Variants in PHF12 observed in about 807,000 individuals in gnomAD.
PHF12 encodes PHD finger protein 12.
A neutral mutation model predicts 99.8 loss-of-function variants in PHF12; 6 were observed. The ratio of observed to expected loss-of-function variants is 0.06; its 90% CI spans 0.03 to 0.12. PHF12 has a LOEUF of 0.12. PHF12 is among the 10% of genes least tolerant of loss of function. The probability of loss-of-function intolerance (pLI) is 1.00; values close to 1 mark genes in which losing one functional copy is unlikely to be tolerated. For synonymous variants in PHF12, 480 were observed against 514.9 expected (o/e 0.93, Z 0.92); for missense variants, 954 against 1,300.1 (o/e 0.73, Z 4.09).
chr17:28,944,521 G>T, intron 2 of PHF12: 1 of 984,034 alleles, frequency 1.0e-6, no homozygotes, highest in Non-Finnish European at 1.2e-6. Flanking sequence ...CCATATTTAG[G>T]TGGACCAGTA....
intron 5 of PHF12, among the ~76,000 whole-genome samples, chr17:28,919,584 C>T (rs573894491): frequency 6.6e-6 from 1 of 152,000 alleles, no homozygotes; most frequent in African/African-American, 2.4e-5. Context: ...ACTAAAAATA[C>T]AAAAAATTAG....
intron 2 of PHF12, among the ~76,000 whole-genome samples, chr17:28,928,885 C>T (rs2040335715): frequency 6.6e-6 from 1 of 152,004 alleles, no homozygotes; most frequent in African/African-American, 2.4e-5. Context: ...AACACGACGT[C>T]AGGAGTTTGA....
At chr17:28,923,450 G>A (rs2152666237) in intron 4 of PHF12, among the ~76,000 whole-genome samples, 2 of 151,562 alleles carry the variant, frequency 1.3e-5, no homozygotes, top group South Asian at 4.2e-4. Context: ...CTGAGGTCAG[G>A]AGTTCAAGAC....
intron 2 of PHF12, among the ~76,000 whole-genome samples, chr17:28,942,826 T>A (rs989145550): frequency 6.6e-6 from 1 of 150,814 alleles, no homozygotes; most frequent in East Asian, 1.9e-4. Context: ...AAAAAAATAA[T>A]AAGTAAAATA....
chr17:28,910,107 A>G, intron 11 of PHF12, 119 bp downstream of exon 11: 1 of 1,442,126 alleles, frequency 6.9e-7, no homozygotes, highest in African/African-American at 1.4e-5. Flanking sequence ...TAAGCCCATG[A>G]AAAGCACACA....
intron 6 of PHF12, 33 bp from the exon 7 acceptor site, chr17:28,917,482 G>A: frequency 6.4e-7 from 1 of 1,561,960 alleles, no homozygotes; most frequent in Non-Finnish European, 8.7e-7. Context: ...CTTGTGGTGA[G>A]CCTCAAAAGG....
chr17:28,950,826 C>T lies in PHF12; in HGVS notation c.66+69G>A. ...CTAGGCGCTTCGAGTTTAGGACTGG[C>T]TTTGTGGGGCGGAGGGCGGAGGTTC... On this transcript the variant is annotated intron_variant, in intron 1 of 14. Transcript: ENST00000332830. The surrounding 1 kb of genome is among the most constrained non-coding windows in gnomAD (Gnocchi z 5.7). 1 of 1,597,690 alleles carries T rather than the reference C, an allele frequency of 6.3e-7. No homozygotes were observed. Among genetic ancestry groups the T allele is most frequent in the South Asian group, 1.1e-5 (1 of 89,518 alleles).
At position 28,950,495 on chromosome 17, in the gene PHF12, G is replaced by A. The variant is rs529637996; in HGVS notation, c.67-249C>T. ...GATCAAGGGTAGGGGGATGGGAAGAGGGTGCGCGGTTCCCTTCTTGCCACT... is the reference window on the plus strand; with the variant it reads ...GATCAAGGGTAGGGGGATGGGAAGAAGGTGCGCGGTTCCCTTCTTGCCACT... On this transcript the variant is annotated intron_variant, in intron 1 of 14. Transcript: ENST00000332830. This position sits in a 1 kb window ranked among gnomAD's most constrained non-coding sequence, Gnocchi z 5.7. The A allele has an allele frequency of 8.8e-6, 5 of 568,852 alleles. No individual in the cohort carries two copies. The highest frequency in any genetic ancestry group is 9.4e-4 in the Middle Eastern group (2 of 2,136). The allele number at this position is 568,852 out of a possible 1,614,324, so 35.2% of individuals were successfully genotyped here. A position where few individuals can be genotyped will look rare whatever the true frequency, so the allele number is the denominator to read the frequency against.
intron 2 of PHF12, among the ~76,000 whole-genome samples, chr17:28,943,922 C>G (rs2040671036): frequency 6.6e-6 from 1 of 152,178 alleles, no homozygotes; most frequent in Non-Finnish European, 1.5e-5. Flanking sequence ...TTAGCAAAAA[C>G]CAGTGTTTTA....
chr17:28,948,823 C>T (rs559803616), intron 2 of PHF12, among the ~76,000 whole-genome samples: 1 of 151,394 alleles, frequency 6.6e-6, no homozygotes, highest in African/African-American at 2.4e-5. Flanking sequence ...CCCCCTTTTC[C>T]TCTCTCCAGT....
At chr17:28,942,644 C>T (rs1567971297) in intron 2 of PHF12, among the ~76,000 whole-genome samples, 2 of 151,624 alleles carry the variant, frequency 1.3e-5, no homozygotes, top group African/African-American at 2.4e-5. Flanking sequence ...GGTGAAACCC[C>T]GTCTCAACAA....
At chr17:28,934,700 T>G (rs945617625) in intron 2 of PHF12, among the ~76,000 whole-genome samples, 7 of 149,442 alleles carry the variant, frequency 4.7e-5, no homozygotes, top group Non-Finnish European at 8.9e-5. Flanking sequence ...AACCTCTGCC[T>G]CCCGAGTTCA....
chr17:28,949,925 G>A lies in PHF12; in HGVS notation c.248+140C>T. ...AACCCGGCGGACACCTGGGGGCGGGGAGGTGCTCGCCCCGGCAGCTGCAGA... is the reference window on the plus strand; with the variant it reads ...AACCCGGCGGACACCTGGGGGCGGGAAGGTGCTCGCCCCGGCAGCTGCAGA... On this transcript the variant is annotated intron_variant, in intron 2 of 14. Coordinates refer to ENST00000332830, the MANE Select transcript of PHF12 (RefSeq NM_001033561.2). The surrounding 1 kb of genome is among the most constrained non-coding windows in gnomAD (Gnocchi z 4.6). 1 of 966,128 alleles carries A rather than the reference G, an allele frequency of 1.0e-6. No individual in the cohort carries two copies. Among genetic ancestry groups the A allele is most frequent in the Admixed American group, 2.7e-5 (1 of 36,388 alleles). 59.8% of individuals were successfully genotyped at this position (966,128 alleles called of 1,614,324 possible).
Position 28,949,008 on chromosome 17 carries a change from C to T in PHF12, c.248+1057G>A, listed in dbSNP as rs1447533453. 2.0e-5 allele frequency among the ~76,000 whole-genome samples: 3 copies of T among 152,138 alleles called. No homozygotes were observed. The highest frequency in any genetic ancestry group is 2.9e-5 in the Non-Finnish European group (2 of 68,024). ...TTAAACTCTTCTTTGCCGGATTGTC[C>T]TGGGCTGAGCCGCTGAGGAGGATCA... On this transcript the variant is annotated intron_variant, in intron 2 of 14. Transcript: ENST00000332830. This position sits in a 1 kb window ranked among gnomAD's most constrained non-coding sequence, Gnocchi z 4.6.
In PHF12 at chr17:28,951,455, G is replaced by A; in HGVS notation, c.-495C>T. On this transcript the variant is annotated 5_prime_UTR_variant, in exon 1 of 15. Coordinates refer to ENST00000332830, the MANE Select transcript of PHF12 (RefSeq NM_001033561.2). ...CTGCGTCCCGGCTGCCGCGCACTTGGCGCAAACTTACCGCGAGCGCCCGCA... is the reference window on the plus strand; with the variant it reads ...CTGCGTCCCGGCTGCCGCGCACTTGACGCAAACTTACCGCGAGCGCCCGCA... The A allele has an allele frequency of 1.0e-6, 1 of 985,978 alleles. No individual in the cohort carries two copies. Among genetic ancestry groups the A allele is most frequent in the Non-Finnish European group, 1.2e-6 (1 of 830,262 alleles). The allele number at this position is 985,978 out of a possible 1,614,324, so 61.1% of individuals were successfully genotyped here. A position where few individuals can be genotyped will look rare whatever the true frequency, so the allele number is the denominator to read the frequency against.
At chr17:28,908,954 C>T in intron 11 of PHF12, 73 bp from the exon 12 acceptor site, 1 of 1,405,234 alleles carries the variant, frequency 7.1e-7, no homozygotes, top group East Asian at 2.4e-5. Context: ...CCAACAAAAT[C>T]TGGACCTTTG....
chr17:28,907,537 G>C (rs1486410325), intron 13 of PHF12, 53 bp downstream of exon 13: 5 of 1,569,240 alleles, frequency 3.2e-6, no homozygotes, highest in Non-Finnish European at 4.4e-6. Context: ...CCTACTGCCT[G>C]GGAGAGGCCT....
intron 3 of PHF12, 116 bp from the exon 4 acceptor site, chr17:28,924,418 G>T: frequency 7.2e-7 from 1 of 1,386,296 alleles, no homozygotes; most frequent in Non-Finnish European, 1.0e-6. Flanking sequence ...ACATATCACA[G>T]ACTCATCTAC....
intron 2 of PHF12, among the ~76,000 whole-genome samples, chr17:28,935,152 C>T (rs895377089): frequency 1.2e-4 from 19 of 152,248 alleles, no homozygotes; most frequent in Admixed American, 9.8e-4. Context: ...GAGTATCTTC[C>T]CATTTTCACT....
Sources: gnomAD v4.1 joint callset for allele counts (sites outside exome capture counted in the v4.1 genomes callset) on GRCh38, gnomAD v4.1.1 for gene constraint, Gnocchi (gnomAD v3.1) non-coding constraint, MANE v1.5 for transcripts, NCBI Gene and HGNC (gene_info 2026-07-23, HGNC 2026-07-21) for gene names.